Variants in LINGO2 observed in about 807,000 individuals in gnomAD.
LINGO2 encodes leucine-rich repeat and immunoglobulin-like domain-containing nogo receptor-interacting protein 2.
In LINGO2, 14 loss-of-function variants were observed where a neutral mutation model predicts 30.6. The observed-to-expected ratio is 0.46, with a 90% CI of 0.30 to 0.72. The LOEUF is 0.72. Ranked by LOEUF, LINGO2 falls within the 30% of genes least tolerant of loss-of-function variation. LINGO2 has a pLI of 0.07. For missense variants in LINGO2, 729 were observed against 751.7 expected (o/e 0.97, Z 0.35); for synonymous variants, 317 against 288.5 (o/e 1.10, Z -1.00).
At chr9:28,221,157 G>A (rs1226107873) in intron 4 of LINGO2, among the ~76,000 whole-genome samples, 1 of 151,864 alleles carries the variant, frequency 6.6e-6, no homozygotes, top group Non-Finnish European at 1.5e-5. Context: ...AAATTAGCCG[G>A]GCGTGGTGGC....
intron 1 of LINGO2, among the ~76,000 whole-genome samples, chr9:28,570,763 A>G (rs1370398115): frequency 6.6e-6 from 1 of 151,970 alleles, no homozygotes; most frequent in Non-Finnish European, 1.5e-5. Context: ...CAGTAGAACA[A>G]AAATTTTAAA....
chr9:28,392,788 T>G (rs758584186), intron 2 of LINGO2, among the ~76,000 whole-genome samples: 8 of 152,214 alleles, frequency 5.3e-5, no homozygotes, highest in Non-Finnish European at 1.0e-4. Context: ...GGGCTTGTTA[T>G]GAATAACAAA....
At chr9:28,684,729 G>A in the LINGO2 span, among the ~76,000 whole-genome samples, 5 of 151,350 alleles carry the variant, frequency 3.3e-5, no homozygotes, top group South Asian at 1.0e-3. Context: ...ATCTTGGCCA[G>A]GCTGGTCTTT....
the LINGO2 span, among the ~76,000 whole-genome samples, chr9:28,755,268 T>C: frequency 6.6e-6 from 1 of 152,038 alleles, no homozygotes; most frequent in Non-Finnish European, 1.5e-5. Flanking sequence ...GGACACAGAA[T>C]GGAATTACAC....
chr9:28,547,730 A>G (rs1196851648), intron 1 of LINGO2, among the ~76,000 whole-genome samples: 2 of 152,076 alleles, frequency 1.3e-5, no homozygotes, highest in Non-Finnish European at 2.9e-5. Flanking sequence ...AATAAAAAGG[A>G]AAGGAGTAGG....
At chr9:28,277,085 T>C (rs564525119) in intron 4 of LINGO2, among the ~76,000 whole-genome samples, 1 of 152,340 alleles carries the variant, frequency 6.6e-6, no homozygotes, top group East Asian at 1.9e-4. Context: ...TTTGTGATAC[T>C]GCATTTTTAT....
chr9:28,897,856 G>A, the LINGO2 span, among the ~76,000 whole-genome samples: 1 of 151,892 alleles, frequency 6.6e-6, no homozygotes, highest in African/African-American at 2.4e-5. Flanking sequence ...TTTTTTAAAA[G>A]TTTCCCATAA....
intron 4 of LINGO2, among the ~76,000 whole-genome samples, chr9:28,231,405 G>T (rs1344596650): frequency 2.0e-5 from 3 of 151,672 alleles, no homozygotes; most frequent in Non-Finnish European, 4.4e-5. Flanking sequence ...GGGAAAATTG[G>T]TTTTTCTTTT....
the LINGO2 span, among the ~76,000 whole-genome samples, chr9:29,034,229 A>T: frequency 6.6e-6 from 1 of 152,190 alleles, no homozygotes; most frequent in Admixed American, 6.5e-5. Flanking sequence ...ATATAAACAC[A>T]TATAACATCT....
intron 1 of LINGO2, among the ~76,000 whole-genome samples, chr9:28,524,491 A>T (rs935438394): frequency 7.9e-5 from 12 of 152,134 alleles, no homozygotes; most frequent in African/African-American, 2.7e-4. Flanking sequence ...GTGGTGGCTC[A>T]CGCCTGTAAT....
At chr9:29,104,058 A>G in the LINGO2 span, among the ~76,000 whole-genome samples, 1 of 152,194 alleles carries the variant, frequency 6.6e-6, no homozygotes, top group Non-Finnish European at 1.5e-5. Flanking sequence ...TCAGTGCTCA[A>G]TAACATTGGG....
chr9:28,114,360 GGTCT>G (rs1826866472), intron 4 of LINGO2, among the ~76,000 whole-genome samples: 1 of 58,658 alleles, frequency 1.7e-5, no homozygotes, highest in Non-Finnish European at 3.6e-5. Flanking sequence ...CAAGGATATT[GGTCT>G]AAAATTCTCT....
chr9:28,416,533 T>G (rs982344878), intron 2 of LINGO2, among the ~76,000 whole-genome samples: 6 of 152,206 alleles, frequency 3.9e-5, no homozygotes, highest in African/African-American at 1.4e-4. Flanking sequence ...TAATTATTTT[T>G]AGAGAGAGAT....
At chr9:28,238,902 C>T (rs886386990) in intron 4 of LINGO2, among the ~76,000 whole-genome samples, 13 of 151,108 alleles carry the variant, frequency 8.6e-5, no homozygotes, top group Non-Finnish European at 7.4e-5. Context: ...GCCAGACTAG[C>T]TAAGAAAAAA....
the LINGO2 span, among the ~76,000 whole-genome samples, chr9:29,103,745 G>A: frequency 6.6e-6 from 1 of 152,122 alleles, no homozygotes; most frequent in Non-Finnish European, 1.5e-5. Context: ...AGAAATTGGG[G>A]AAGTTTATGA....
chr9:28,181,177 C>T (rs1404549102), intron 4 of LINGO2, among the ~76,000 whole-genome samples: 1 of 152,126 alleles, frequency 6.6e-6, no homozygotes, highest in Non-Finnish European at 1.5e-5. Context: ...TGCAAAATCA[C>T]GTGCAGCTCT....
At chr9:27,985,265 C>T (rs1036096271) in intron 5 of LINGO2, among the ~76,000 whole-genome samples, 5 of 151,822 alleles carry the variant, frequency 3.3e-5, no homozygotes, top group African/African-American at 1.2e-4. Flanking sequence ...TCTGAATCTG[C>T]TGTGATGTGA....
the LINGO2 span, among the ~76,000 whole-genome samples, chr9:29,104,082 T>C: frequency 2.0e-5 from 3 of 152,096 alleles, no homozygotes; most frequent in Admixed American, 6.6e-5. Flanking sequence ...AAAATTTCCA[T>C]TGCAACACGA....
intron 3 of LINGO2, among the ~76,000 whole-genome samples, chr9:28,350,701 T>C (rs1467725138): frequency 6.6e-6 from 1 of 151,794 alleles, no homozygotes; most frequent in Non-Finnish European, 1.5e-5. Flanking sequence ...TATACATTTT[T>C]TTCAGCACCA....
Sources: gnomAD v4.1 joint callset for allele counts (sites outside exome capture counted in the v4.1 genomes callset) on GRCh38, gnomAD v4.1.1 for gene constraint, MANE v1.5 for transcripts, NCBI Gene and HGNC (gene_info 2026-07-23, HGNC 2026-07-21) for gene names.